The following CNNM2 variants were observed in gnomAD, a reference collection of about 807,000 sequenced individuals.
CNNM2 encodes metal transporter CNNM2.
In CNNM2, 12 loss-of-function variants were observed where a neutral mutation model predicts 66.9. The observed-to-expected ratio is 0.18, with a 90% CI of 0.11 to 0.29. CNNM2 has a LOEUF of 0.29. CNNM2 is among the 10% of genes least tolerant of loss of function. CNNM2 has a pLI of 1.00. For missense variants in CNNM2, 705 were observed against 1,167.7 expected (o/e 0.60, Z 5.77); for synonymous variants, 557 against 501.8 (o/e 1.11, Z -1.47).
intron 1 of CNNM2, among the ~76,000 whole-genome samples, chr10:102,928,531 G>A (rs889573161): frequency 4.6e-5 from 7 of 151,352 alleles, no homozygotes; most frequent in South Asian, 2.1e-4. Context: ...GCAGTGAGCC[G>A]GGATTGCGCC....
chr10:102,969,252 C>T (rs1447826545), intron 1 of CNNM2, among the ~76,000 whole-genome samples: 3 of 151,856 alleles, frequency 2.0e-5, no homozygotes, highest in South Asian at 2.1e-4. Context: ...CTCGCCCTGT[C>T]GCCCAGGTTG....
Position 102,929,448 on chromosome 10 carries a change from A to T in CNNM2, c.1621+9347A>T, listed in dbSNP as rs892428251. On this transcript the variant is annotated intron_variant, in intron 1 of 7. Transcript: ENST00000369878. The stretch of plus-strand genomic sequence containing the variant: ...ACAGAGCAAGAGCATGTCTTTTTTA[A>T]AAAAAAAAAAAAAAAGTGACTAGTT... 5.2e-4 allele frequency among the ~76,000 whole-genome samples: 75 copies of T among 144,360 alleles called. 1 individual carries two copies. The highest frequency in any genetic ancestry group is 9.7e-4 in the Non-Finnish European group (64 of 66,130). 94.7% of individuals were successfully genotyped at this position (144,360 alleles called of 152,430 possible).
Position 103,005,278 on chromosome 10 carries a change from G to A in CNNM2, c.1622-44429G>A, listed in dbSNP as rs367941325. On this transcript the variant is annotated intron_variant, in intron 1 of 7. Transcript: ENST00000369878. ...ATTTTATTTGCTAGTTCATTCTTAA[G>A]TATATGATTCGTTGATACTATTGTC... is the stretch of plus-strand genomic sequence containing the variant. 4.6e-5 allele frequency among the ~76,000 whole-genome samples: 7 copies of A among 152,226 alleles called. No homozygotes were observed. In the East Asian group the frequency reaches 1.2e-3, roughly 25 times the overall value.
At chr10:102,941,547 C>T (rs1243417662) in intron 1 of CNNM2, among the ~76,000 whole-genome samples, 1 of 152,202 alleles carries the variant, frequency 6.6e-6, no homozygotes, top group Non-Finnish European at 1.5e-5. Context: ...CTGGCTGTTT[C>T]CTGAGTGCCA....
chr10:103,003,843 A>G (rs917218162), intron 1 of CNNM2, among the ~76,000 whole-genome samples: 1 of 151,336 alleles, frequency 6.6e-6, no homozygotes, highest in African/African-American at 2.4e-5. Flanking sequence ...ATTAACATCA[A>G]TTTTTCCTGT....
At chr10:103,010,895 A>G (rs2064329857) in intron 1 of CNNM2, among the ~76,000 whole-genome samples, 1 of 152,100 alleles carries the variant, frequency 6.6e-6, no homozygotes, top group Admixed American at 6.6e-5. Context: ...TTACAGGCGT[A>G]AGCTACCGTG....
At chr10:103,075,918 C>T (rs1209085874) in intron 6 of CNNM2, among the ~76,000 whole-genome samples, 168 bp from the exon 7 acceptor site, 4 of 152,236 alleles carry the variant, frequency 2.6e-5, no homozygotes, top group Non-Finnish European at 2.9e-5. Context: ...GGGAAGCCCG[C>T]GAGTCCGCCA....
At chr10:103,069,599 A>G (rs2065539286) in intron 5 of CNNM2, among the ~76,000 whole-genome samples, 1 of 152,160 alleles carries the variant, frequency 6.6e-6, no homozygotes, top group African/African-American at 2.4e-5. Flanking sequence ...GTGGGTGGCC[A>G]TGGGGGATTG....
intron 1 of CNNM2, among the ~76,000 whole-genome samples, chr10:103,030,763 A>G (rs778606102): frequency 6.6e-6 from 1 of 152,164 alleles, no homozygotes; most frequent in African/African-American, 2.4e-5. Context: ...ACCTAACACA[A>G]TGTTAGGTAC....
Position 103,010,680 on chromosome 10 carries a change from T to C in CNNM2, c.1622-39027T>C, listed in dbSNP as rs539080676. On this transcript the variant is annotated intron_variant, in intron 1 of 7. Transcript: ENST00000369878. ...CAGGCTGGAGTGCAGTGGTGTGATA[T>C]TGGCTCACTGTAACCTTTGCCTCCT... Among the ~76,000 whole-genome samples, 77 of 152,286 alleles carry C rather than the reference T, an allele frequency of 5.1e-4. 1 individual carries two copies. The highest frequency in any genetic ancestry group is 1.8e-3 in the African/African-American group (73 of 41,562).
At chr10:102,930,516 G>A (rs2134165670) in intron 1 of CNNM2, among the ~76,000 whole-genome samples, 1 of 152,274 alleles carries the variant, frequency 6.6e-6, no homozygotes, top group South Asian at 2.1e-4. Flanking sequence ...TTTTACTGCT[G>A]AAACAGTTGG....
intron 1 of CNNM2, among the ~76,000 whole-genome samples, chr10:103,048,531 T>C (rs2065165940): frequency 6.7e-6 from 1 of 150,280 alleles, no homozygotes; most frequent in Non-Finnish European, 1.5e-5. Flanking sequence ...TTTAACTGTC[T>C]GTTGAAAGCT....
At chr10:103,062,971 ATGC>A (rs1165948908) in intron 4 of CNNM2, among the ~76,000 whole-genome samples, 1 of 152,158 alleles carries the variant, frequency 6.6e-6, no homozygotes, top group Admixed American at 6.5e-5. Context: ...GGAGTCTGAG[ATGC>A]TGCGTTACCA....
chr10:102,935,632 G>A lies in CNNM2; in HGVS notation c.1621+15531G>A, dbSNP rs527431368. 4.1e-5 allele frequency among the ~76,000 whole-genome samples: 6 copies of A among 148,032 alleles called. 1 individual carries two copies. The South Asian group carries it at 1.1e-3, about 27-fold the overall frequency. On this transcript the variant is annotated intron_variant, in intron 1 of 7. Transcript: ENST00000369878. Reference sequence around the variant, plus strand: ...TTTTTTTTTTTTTTTTTTGAGACAGGGTCTTGCTCTATTGCCCAGGATGGA... The same window carrying A: ...TTTTTTTTTTTTTTTTTTGAGACAGAGTCTTGCTCTATTGCCCAGGATGGA...
intron 6 of CNNM2, among the ~76,000 whole-genome samples, chr10:103,073,832 G>A (rs1278154446): frequency 3.9e-5 from 5 of 129,698 alleles, no homozygotes; most frequent in South Asian, 2.4e-4. Flanking sequence ...ACTGCAGTCC[G>A]CAGTCTGGCC....
intron 1 of CNNM2, among the ~76,000 whole-genome samples, chr10:102,932,149 A>G (rs569806085): frequency 3.3e-5 from 5 of 151,986 alleles, no homozygotes; most frequent in African/African-American, 1.2e-4. Flanking sequence ...CTTTCTTGGT[A>G]GTGACCTTTG....
At chr10:102,956,922 TG>T (rs1413407929) in intron 1 of CNNM2, among the ~76,000 whole-genome samples, 8 of 152,172 alleles carry the variant, frequency 5.3e-5, no homozygotes, top group Non-Finnish European at 8.8e-5. Context: ...ACATGGCACA[TG>T]TATACCTATG....
At chr10:103,067,038 A>T (rs2065490995) in intron 4 of CNNM2, among the ~76,000 whole-genome samples, 2 of 151,566 alleles carry the variant, frequency 1.3e-5, no homozygotes. Context: ...CCCAAGAAAG[A>T]CCTTTTGTAA....
intron 1 of CNNM2, among the ~76,000 whole-genome samples, chr10:102,937,448 G>A (rs1430877726): frequency 6.6e-6 from 1 of 152,096 alleles, no homozygotes; most frequent in Non-Finnish European, 1.5e-5. Context: ...ATAATCCCAA[G>A]ATACCTCTTA....
Sources: allele counts gnomAD v4.1 joint callset (sites outside exome capture counted in the v4.1 genomes callset), GRCh38; gene constraint gnomAD v4.1.1; transcripts MANE v1.5; gene names NCBI Gene and HGNC (gene_info 2026-07-23, HGNC 2026-07-21).